The following GRM5 variants were observed in gnomAD, a reference collection of about 807,000 sequenced individuals.
The protein encoded by GRM5 is metabotropic glutamate receptor 5.
A neutral mutation model predicts 83.1 loss-of-function variants in GRM5; 19 were observed. The ratio of observed to expected loss-of-function variants is 0.23; its 90% CI spans 0.16 to 0.34. The LOEUF (loss-of-function observed/expected upper bound fraction) is 0.34, where lower values mean the gene tolerates loss of function less well. Ranked by LOEUF, GRM5 falls within the 10% of genes least tolerant of loss-of-function variation. The pLI is 1.00. For missense variants in GRM5, 1,160 were observed against 1,588.3 expected (o/e 0.73, Z 4.58); for synonymous variants, 675 against 633.6 (o/e 1.07, Z -0.98).
intron 3 of GRM5, among the ~76,000 whole-genome samples, chr11:88,693,643 T>C (rs1316681162): frequency 6.6e-6 from 1 of 152,202 alleles, no homozygotes; most frequent in Non-Finnish European, 1.5e-5. Flanking sequence ...TCCATATGGA[T>C]GGGCTGCCCA....
intron 3 of GRM5, among the ~76,000 whole-genome samples, chr11:88,713,156 CATTT>C (rs1363629378): frequency 6.6e-6 from 1 of 151,966 alleles, no homozygotes; most frequent in Non-Finnish European, 1.5e-5. Flanking sequence ...TCACAGTGAA[CATTT>C]AGTTTAAAAA....
At chr11:89,004,624 A>G (rs1324960438) in intron 2 of GRM5, among the ~76,000 whole-genome samples, 3 of 152,208 alleles carry the variant, frequency 2.0e-5, no homozygotes, top group Admixed American at 6.5e-5. Flanking sequence ...GGCATGCACA[A>G]GGTAAGATCT....
At chr11:88,865,007 G>A (rs1224467617) in intron 2 of GRM5, among the ~76,000 whole-genome samples, 1 of 152,026 alleles carries the variant, frequency 6.6e-6, no homozygotes, top group African/African-American at 2.4e-5. Flanking sequence ...TACAAGGGAT[G>A]TGAGGGAACT....
intron 2 of GRM5, among the ~76,000 whole-genome samples, chr11:88,884,381 T>C (rs532359702): frequency 6.6e-6 from 1 of 152,322 alleles, no homozygotes; most frequent in African/African-American, 2.4e-5. Context: ...ATATACCCAA[T>C]GCCTGTACCC....
chr11:89,001,418 C>T (rs1202877055), intron 2 of GRM5, among the ~76,000 whole-genome samples: 2 of 151,976 alleles, frequency 1.3e-5, no homozygotes, highest in Non-Finnish European at 2.9e-5. Context: ...TATAAATCAC[C>T]AGAGAATAAT....
intron 2 of GRM5, among the ~76,000 whole-genome samples, chr11:88,990,892 C>T (rs1019008517): frequency 6.6e-6 from 1 of 151,928 alleles, no homozygotes; most frequent in Non-Finnish European, 1.5e-5. Context: ...TATGACAAAC[C>T]CACAGCCAAT....
intron 8 of GRM5, among the ~76,000 whole-genome samples, chr11:88,561,312 C>G (rs1282457197): frequency 1.3e-5 from 2 of 152,156 alleles, no homozygotes; most frequent in Non-Finnish European, 2.9e-5. Flanking sequence ...TTAATTAAAA[C>G]AGAAGTGGCA....
chr11:89,053,570 T>C (rs1941806154), intron 1 of GRM5, among the ~76,000 whole-genome samples: 1 of 151,852 alleles, frequency 6.6e-6, no homozygotes, highest in Admixed American at 6.6e-5. Context: ...ATGGACAAAA[T>C]AGATATAAAG....
At chr11:88,970,519 C>A (rs990469129) in intron 2 of GRM5, among the ~76,000 whole-genome samples, 1 of 152,180 alleles carries the variant, frequency 6.6e-6, no homozygotes, top group East Asian at 1.9e-4. Context: ...TGGAGCCTTA[C>A]TCTGTACATA....
intron 4 of GRM5, among the ~76,000 whole-genome samples, chr11:88,652,065 C>G (rs1939646702): frequency 6.6e-6 from 1 of 152,010 alleles, no homozygotes; most frequent in African/African-American, 2.4e-5. Flanking sequence ...AAGCCCACTG[C>G]CCCACTGAAT....
At chr11:88,766,856 CA>C (rs1376306501) in intron 3 of GRM5, among the ~76,000 whole-genome samples, 1 of 151,734 alleles carries the variant, frequency 6.6e-6, no homozygotes, top group East Asian at 1.9e-4. Context: ...AATTCACAAG[CA>C]AAAACCAAAC....
chr11:88,913,575 TTCTCTCTC>T (rs1195011629), intron 2 of GRM5, among the ~76,000 whole-genome samples: 1 of 141,962 alleles, frequency 7.0e-6, no homozygotes, highest in African/African-American at 2.6e-5. Flanking sequence ...TTTTTTTTCC[TTCTCTCTC>T]TCTCTTTTTT....
At chr11:88,910,974 T>C (rs1319331854) in intron 2 of GRM5, among the ~76,000 whole-genome samples, 1 of 152,130 alleles carries the variant, frequency 6.6e-6, no homozygotes, top group Non-Finnish European at 1.5e-5. Flanking sequence ...AAAGTTCTCC[T>C]GAATTTTAAG....
At chr11:89,006,403 T>C (rs912134147) in intron 2 of GRM5, among the ~76,000 whole-genome samples, 4 of 152,174 alleles carry the variant, frequency 2.6e-5, no homozygotes, top group Non-Finnish European at 5.9e-5. Flanking sequence ...TGGACTCTAG[T>C]CATTAACTCT....
intron 8 of GRM5, among the ~76,000 whole-genome samples, chr11:88,550,320 C>T (rs1250449223): frequency 1.3e-5 from 2 of 152,194 alleles, no homozygotes; most frequent in African/African-American, 4.8e-5. Flanking sequence ...TGAAATTGAA[C>T]TGTACCTGAC....
At chr11:88,558,993 G>C (rs1370117752) in intron 8 of GRM5, among the ~76,000 whole-genome samples, 2 of 151,820 alleles carry the variant, frequency 1.3e-5, no homozygotes, top group Non-Finnish European at 2.9e-5. Context: ...TAAAAACTTT[G>C]TAACTAAAAA....
intron 2 of GRM5, among the ~76,000 whole-genome samples, chr11:89,033,718 C>T (rs1228428993): frequency 6.6e-6 from 1 of 151,714 alleles, no homozygotes; most frequent in Non-Finnish European, 1.5e-5. Context: ...GCCAAACATA[C>T]TCAAATTACT....
chr11:88,910,422 A>G (rs1945477041), intron 2 of GRM5, among the ~76,000 whole-genome samples: 1 of 151,972 alleles, frequency 6.6e-6, no homozygotes, highest in Non-Finnish European at 1.5e-5. Flanking sequence ...TTCTTTGAGA[A>G]CCTAGGAGTT....
At chr11:88,870,297 T>C (rs1944741379) in intron 2 of GRM5, among the ~76,000 whole-genome samples, 1 of 151,522 alleles carries the variant, frequency 6.6e-6, no homozygotes, top group South Asian at 2.1e-4. Context: ...GCAATGCAGA[T>C]AGTTTATGTC....
Sources: gnomAD v4.1 joint callset for allele counts (sites outside exome capture counted in the v4.1 genomes callset) on GRCh38, gnomAD v4.1.1 for gene constraint, MANE v1.5 for transcripts, NCBI Gene and HGNC (gene_info 2026-07-23, HGNC 2026-07-21) for gene names.